Variants in BACE1 observed in about 807,000 individuals in gnomAD.
BACE1 encodes APP beta-secretase.
Under a neutral mutation model 54.0 loss-of-function variants are expected in BACE1, and 21 were observed. That is an observed-to-expected ratio of 0.39 (90% CI 0.28 to 0.56). The LOEUF (loss-of-function observed/expected upper bound fraction) is 0.56, where lower values mean the gene tolerates loss of function less well. Ranked by LOEUF, BACE1 falls within the 20% of genes least tolerant of loss-of-function variation. The pLI is 0.63. For missense variants in BACE1, 511 were observed against 661.2 expected (o/e 0.77, Z 2.49); for synonymous variants, 232 against 260.9 (o/e 0.89, Z 1.07).
chr11:117,296,802 C>T, intron 2 of BACE1, 71 bp downstream of exon 2: 1 of 1,201,004 alleles, frequency 8.3e-7, no homozygotes, highest in Non-Finnish European at 1.2e-6. Flanking sequence ...CTCTCTGTAC[C>T]CCTCCCCTGA....
intron 1 of BACE1, among the ~76,000 whole-genome samples, chr11:117,311,145 C>G (rs1266616423): frequency 1.3e-5 from 2 of 151,974 alleles, no homozygotes; most frequent in African/African-American, 4.8e-5. Flanking sequence ...CACTTGAGCC[C>G]AGAAGTTGGA....
At chr11:117,309,751 G>C (rs762170151) in intron 1 of BACE1, among the ~76,000 whole-genome samples, 25 of 152,086 alleles carry the variant, frequency 1.6e-4, no homozygotes, top group Non-Finnish European at 3.5e-4. Context: ...CTAAGACTAT[G>C]GCATTATTTT....
chr11:117,296,559 A>G (rs1279424207), intron 2 of BACE1, among the ~76,000 whole-genome samples: 1 of 152,144 alleles, frequency 6.6e-6, no homozygotes, highest in African/African-American at 2.4e-5. Context: ...CCATTCAGGC[A>G]GAGAAAATGG....
chr11:117,291,623 A>T, intron 6 of BACE1, 89 bp downstream of exon 6: 1 of 944,988 alleles, frequency 1.1e-6, no homozygotes, highest in East Asian at 2.5e-5. Flanking sequence ...CTAAGTGCAG[A>T]CATCTTGGCT....
intron 2 of BACE1, among the ~76,000 whole-genome samples, chr11:117,295,835 A>G (rs1023007580): frequency 6.6e-6 from 1 of 152,210 alleles, no homozygotes; most frequent in African/African-American, 2.4e-5. Context: ...GGTTTGTTCA[A>G]GCATCTCAGA....
At chr11:117,299,830 A>G in intron 1 of BACE1, 1 of 262,496 alleles carries the variant, frequency 3.8e-6, no homozygotes, top group Non-Finnish European at 7.5e-6. Context: ...CTCAGGACTC[A>G]GCTCCCAGCA....
At chr11:117,312,132 G>A (rs560955121) in intron 1 of BACE1, among the ~76,000 whole-genome samples, 3 of 152,206 alleles carry the variant, frequency 2.0e-5, no homozygotes, top group Non-Finnish European at 2.9e-5. Context: ...GCCTAAACCT[G>A]TAATATTAAC....
Position 117,315,390 on chromosome 11 carries a change from C to T in BACE1, c.261+145G>A, listed in dbSNP as rs2035078483. 3 of 1,158,518 alleles carry T rather than the reference C, an allele frequency of 2.6e-6. No homozygotes were observed. The highest frequency in any genetic ancestry group is 2.3e-6 in the Non-Finnish European group (2 of 860,562). The allele number at this position is 1,158,518 out of a possible 1,614,324, so 71.8% of individuals were successfully genotyped here. A position where few individuals can be genotyped will look rare whatever the true frequency, so the allele number is the denominator to read the frequency against. ...TTGGGAACACTTCTGCCAACAACCA[C>T]GTGACCCCCGGGGAATGGCTGGGGA... On this transcript the variant is annotated intron_variant, in intron 1 of 8. Coordinates refer to ENST00000313005, the MANE Select transcript of BACE1 (RefSeq NM_012104.6). The surrounding 1 kb of genome is among the most constrained non-coding windows in gnomAD (Gnocchi z 5.5).
At chr11:117,294,894 A>G (rs938953804) in intron 3 of BACE1, among the ~76,000 whole-genome samples, 2 of 152,094 alleles carry the variant, frequency 1.3e-5, no homozygotes, top group Non-Finnish European at 2.9e-5. Flanking sequence ...TCAAAAAAAA[A>G]AAGATCTTAA....
intron 1 of BACE1, among the ~76,000 whole-genome samples, chr11:117,308,598 C>A (rs543023837): frequency 9.2e-5 from 14 of 152,180 alleles, no homozygotes; most frequent in Non-Finnish European, 1.5e-4. Flanking sequence ...AATAGATATG[C>A]TAATACCTAT....
chr11:117,290,988 G>T lies in BACE1; in HGVS notation c.1004C>A (p.Thr335Asn), dbSNP rs149860623. ...GEQLVCWQAG[T>N]TPWNIFPVIS... ...GACTGGGAAAATGTTCCAAGGGGTG[G>T]TGCCTGCTTGCCAGCACACCAGCTG... Residue 335 changes from threonine to asparagine, a missense_variant, in exon 7 of 9, where the codon ACC (threonine) becomes AAC (asparagine). Thr to Asn is a moderately conservative substitution (Grantham distance 65, BLOSUM62 0). Coordinates refer to ENST00000313005, the MANE Select transcript of BACE1 (RefSeq NM_012104.6). The T allele has an allele frequency of 6.2e-7, 1 of 1,614,188 alleles. No individual in the cohort carries two copies. The highest frequency in any genetic ancestry group is 1.7e-5 in the Admixed American group (1 of 60,026).
In BACE1 at chr11:117,287,083, A is replaced by G. The variant is rs1038057070; in HGVS notation, c.*2483T>C. 20 of 152,206 alleles carry G rather than the reference A, an allele frequency of 1.3e-4. No individual in the cohort carries two copies. The highest frequency in any genetic ancestry group is 4.6e-4 in the African/African-American group (19 of 41,446). The allele number at this position is 152,206 out of a possible 1,614,324, so 9.4% of individuals were successfully genotyped here. A position where few individuals can be genotyped will look rare whatever the true frequency, so the allele number is the denominator to read the frequency against. On this transcript the variant is annotated 3_prime_UTR_variant, in exon 9 of 9. Coordinates refer to ENST00000313005, the MANE Select transcript of BACE1 (RefSeq NM_012104.6). ...TTCTTTTCCAAAATCCTTTGAAGCC[A>G]AAGGAGTAAAGAAAGAAAAAAGGAA... is the stretch of plus-strand genomic sequence containing the variant.
chr11:117,304,890 A>AT (rs373918923), intron 1 of BACE1, among the ~76,000 whole-genome samples: 93 of 146,142 alleles, frequency 6.4e-4, no homozygotes, highest in East Asian at 3.4e-3. Flanking sequence ...CTCCGTAATG[A>AT]TTTTTTTTTT....
In BACE1 at chr11:117,286,771, T is replaced by C. The variant is rs2034272988; in HGVS notation, c.*2795A>G. 1 of 152,674 alleles carries C rather than the reference T, an allele frequency of 6.5e-6. No individual in the cohort carries two copies. Among genetic ancestry groups the C allele is most frequent in the Non-Finnish European group, 1.5e-5 (1 of 68,066 alleles). The allele number at this position is 152,674 out of a possible 1,614,324, so 9.5% of individuals were successfully genotyped here. Reference sequence around the variant, plus strand: ...TTCCTGGGACCTCCTTGGCATCTTGTAGGGTGATTGGAGTGGCCTGAGTAC... The same window carrying C: ...TTCCTGGGACCTCCTTGGCATCTTGCAGGGTGATTGGAGTGGCCTGAGTAC... On this transcript the variant is annotated 3_prime_UTR_variant, in exon 9 of 9. Coordinates refer to ENST00000313005, the MANE Select transcript of BACE1 (RefSeq NM_012104.6).
chr11:117,300,044 CCT>C (rs2034688213), intron 1 of BACE1, among the ~76,000 whole-genome samples: 1 of 152,112 alleles, frequency 6.6e-6, no homozygotes, highest in Admixed American at 6.5e-5. Flanking sequence ...CCTCCCCCTT[CCT>C]CTCCTGCGAG....
chr11:117,289,655 G>A lies in BACE1; in HGVS notation c.1417C>T (p.Leu473Phe), dbSNP rs1156892644. The change falls in exon 9 of 9, where the codon CTC becomes TTC. Residue 473 changes from leucine to phenylalanine, a missense_variant. By Grantham distance (22) the Leu-to-Phe change is conservative (BLOSUM62 0). Transcript: ENST00000313005. Reference protein sequence around the residue: ...AAICALFMLPLCLMVCQWRCL... With the variant: ...AAICALFMLPFCLMVCQWRCL... The stretch of plus-strand genomic sequence containing the variant: ...CGCCACTGACACACCATGAGGCAGA[G>A]TGGCAGCATGAAGAGGGCGCAGATG... 1 of 1,614,242 alleles carries A rather than the reference G, an allele frequency of 6.2e-7. No individual in the cohort carries two copies. Among genetic ancestry groups the A allele is most frequent in the East Asian group, 2.2e-5 (1 of 44,878 alleles).
chr11:117,302,117 T>A (rs532014693), intron 1 of BACE1, among the ~76,000 whole-genome samples: 1 of 152,204 alleles, frequency 6.6e-6, no homozygotes, highest in South Asian at 2.1e-4. Flanking sequence ...TTGGATCACC[T>A]GAGGTCAGGA....
chr11:117,296,395 C>T (rs554921208), intron 2 of BACE1, among the ~76,000 whole-genome samples: 1 of 152,110 alleles, frequency 6.6e-6, no homozygotes, highest in Non-Finnish European at 1.5e-5. Context: ...ATGAAAGACC[C>T]TTTCCTTCAT....
At position 117,289,825 on chromosome 11, in the gene BACE1, G is replaced by T. The variant is rs1284340285; in HGVS notation, c.1265-18C>A. The T allele has an allele frequency of 6.2e-7, 1 of 1,605,148 alleles. No homozygotes were observed. The highest frequency in any genetic ancestry group is 1.7e-5 in the Admixed American group (1 of 59,936). On this transcript the variant is annotated intron_variant, in intron 8 of 8. Coordinates refer to ENST00000313005, the MANE Select transcript of BACE1 (RefSeq NM_012104.6). ...ATCGTGCACTGGGGAGAGGGCAAAT[G>T]TGAATGGACAGCTCTCATTGTCATA...
Sources: allele counts gnomAD v4.1 joint callset (sites outside exome capture counted in the v4.1 genomes callset), GRCh38; gene constraint gnomAD v4.1.1; non-coding constraint Gnocchi (gnomAD v3.1); transcripts MANE v1.5; gene names NCBI Gene and HGNC (gene_info 2026-07-23, HGNC 2026-07-21).